Variants in EPHA6 observed in about 807,000 individuals in gnomAD.
EPHA6 encodes EPH receptor A6, also known as ephrin type-A receptor 6.
Under a neutral mutation model 112.0 loss-of-function variants are expected in EPHA6, and 50 were observed. The observed-to-expected ratio is 0.45, with a 90% CI of 0.36 to 0.56. EPHA6 has a LOEUF of 0.56. Ranked by LOEUF, EPHA6 falls within the 20% of genes least tolerant of loss-of-function variation. The pLI, the probability that EPHA6 is intolerant of heterozygous loss-of-function variation, is 0.00. For missense variants in EPHA6, 1,280 were observed against 1,417.4 expected (o/e 0.90, Z 1.56); for synonymous variants, 529 against 490.7 (o/e 1.08, Z -1.03).
intron 6 of EPHA6, among the ~76,000 whole-genome samples, chr3:97,409,577 C>G (rs1577284511): frequency 1.3e-5 from 2 of 152,080 alleles, no homozygotes; most frequent in East Asian, 3.9e-4. Flanking sequence ...TTCTAGGTTC[C>G]CTGAGGACAA....
At position 96,983,656 on chromosome 3, in the gene EPHA6, T is replaced by G. The variant is rs925420612; in HGVS notation, c.451-3674T>G. On this transcript the variant is annotated intron_variant, in intron 2 of 17. Transcript: ENST00000389672. ...AATGTCCTGCAGAGTGTTTTCCAAC[T>G]TGGTTCCATTCTCCCCATCACTTTC... 3.3e-5 allele frequency among the ~76,000 whole-genome samples: 5 copies of G among 152,226 alleles called. No homozygotes were observed. The East Asian group carries it at 5.8e-4, about 18-fold the overall frequency.
intron 3 of EPHA6, among the ~76,000 whole-genome samples, chr3:97,114,950 A>G (rs1289011619): frequency 6.6e-6 from 1 of 152,042 alleles, no homozygotes; most frequent in East Asian, 1.9e-4. Flanking sequence ...GCTGGAAAAT[A>G]AAGTTAATGA....
chr3:97,447,637 C>G (rs909655306), intron 6 of EPHA6: 12 of 293,074 alleles, frequency 4.1e-5, no homozygotes, highest in African/African-American at 2.5e-4. Context: ...TGGACAATCT[C>G]TTACATGGAC....
chr3:97,529,332 T>C (rs1037847311), intron 10 of EPHA6, among the ~76,000 whole-genome samples: 7 of 152,070 alleles, frequency 4.6e-5, no homozygotes, highest in African/African-American at 1.7e-4. Flanking sequence ...CCTCAAAGGT[T>C]TACTGGGAAG....
intron 3 of EPHA6, among the ~76,000 whole-genome samples, chr3:96,993,542 C>G (rs2043294584): frequency 6.6e-6 from 1 of 152,020 alleles, no homozygotes; most frequent in African/African-American, 2.4e-5. Context: ...CCCCACTATT[C>G]TTTCTCACTC....
chr3:96,886,994 A>C (rs1029624717), intron 2 of EPHA6, among the ~76,000 whole-genome samples: 4 of 151,960 alleles, frequency 2.6e-5, no homozygotes, highest in Non-Finnish European at 5.9e-5. Context: ...TTCTTGTATC[A>C]TATTTTGGAT....
At chr3:96,878,125 A>T (rs1163561597) in intron 2 of EPHA6, among the ~76,000 whole-genome samples, 2 of 151,866 alleles carry the variant, frequency 1.3e-5, no homozygotes, top group Non-Finnish European at 2.9e-5. Context: ...TGAAAATAAG[A>T]AATTCTCATA....
At chr3:96,948,606 G>T (rs1309152065) in intron 2 of EPHA6, among the ~76,000 whole-genome samples, 1 of 152,078 alleles carries the variant, frequency 6.6e-6, no homozygotes, top group African/African-American at 2.4e-5. Context: ...TAGATTCGTG[G>T]TAAAAGGAAA....
At position 97,475,339 on chromosome 3, in the gene EPHA6, ATC is replaced by A. The variant is rs2091338784; in HGVS notation, c.1895-9_1895-8del. 7 of 1,593,906 alleles carry A rather than the reference ATC, an allele frequency of 4.4e-6. No homozygotes were observed. Among genetic ancestry groups the A allele is most frequent in the Admixed American group, 1.7e-5 (1 of 58,704 alleles). On this transcript the variant is annotated splice_polypyrimidine_tract_variant and intron_variant, in intron 7 of 17. Coordinates refer to ENST00000389672, the MANE Select transcript of EPHA6 (RefSeq NM_001080448.3). ...TCACCCAGGGAAATTTTAATATTGT[ATC>A]TCTGTTTCAGCTTCTGACATGGCAG...
intron 2 of EPHA6, among the ~76,000 whole-genome samples, chr3:96,937,589 G>T (rs1033206616): frequency 3.9e-5 from 6 of 152,068 alleles, no homozygotes; most frequent in Non-Finnish European, 1.5e-5. Flanking sequence ...TTCTTTTGCT[G>T]TGCAGAAGCT....
intron 2 of EPHA6, among the ~76,000 whole-genome samples, chr3:96,900,200 C>T (rs2038527760): frequency 6.6e-6 from 1 of 152,108 alleles, no homozygotes; most frequent in Non-Finnish European, 1.5e-5. Context: ...CATGCCTCAT[C>T]ACAGAATAAA....
At chr3:97,462,995 C>T (rs2090938048) in intron 7 of EPHA6, among the ~76,000 whole-genome samples, 1 of 151,926 alleles carries the variant, frequency 6.6e-6, no homozygotes, top group African/African-American at 2.4e-5. Flanking sequence ...ACAGAATAGT[C>T]CCAAACATAT....
intron 5 of EPHA6, among the ~76,000 whole-genome samples, chr3:97,399,882 T>C (rs528481158): frequency 2.7e-4 from 41 of 151,732 alleles, no homozygotes; most frequent in African/African-American, 8.2e-4. Flanking sequence ...TCTCTTGTTT[T>C]TCAGGTGTTT....
At chr3:97,360,794 T>C (rs577592623) in intron 5 of EPHA6, among the ~76,000 whole-genome samples, 2 of 152,340 alleles carry the variant, frequency 1.3e-5, no homozygotes, top group East Asian at 3.9e-4. Context: ...TCTCATGTAG[T>C]ATTTATATAG....
chr3:97,062,360 G>A (rs1386937420), intron 3 of EPHA6, among the ~76,000 whole-genome samples: 3 of 152,028 alleles, frequency 2.0e-5, no homozygotes, highest in African/African-American at 7.2e-5. Context: ...ATAGCAGAAG[G>A]CAGAGCCACC....
At chr3:97,499,332 T>A (rs2092061026) in intron 10 of EPHA6, among the ~76,000 whole-genome samples, 1 of 152,236 alleles carries the variant, frequency 6.6e-6, no homozygotes, top group African/African-American at 2.4e-5. Flanking sequence ...GATACCTTCA[T>A]AACTTAAACA....
At chr3:96,818,693 G>A (rs565480715) in intron 1 of EPHA6, among the ~76,000 whole-genome samples, 14 of 151,884 alleles carry the variant, frequency 9.2e-5, no homozygotes, top group African/African-American at 3.1e-4. Context: ...TATAGAAATG[G>A]AGACATTGAG....
At chr3:97,441,176 A>T (rs2090119453) in intron 6 of EPHA6, among the ~76,000 whole-genome samples, 1 of 151,980 alleles carries the variant, frequency 6.6e-6, no homozygotes, top group African/African-American at 2.4e-5. Context: ...AAGCTGAGAT[A>T]ACTTATAAGT....
chr3:97,549,475 A>C (rs1303747623), intron 11 of EPHA6, among the ~76,000 whole-genome samples: 1 of 152,200 alleles, frequency 6.6e-6, no homozygotes, highest in Non-Finnish European at 1.5e-5. Context: ...AAAATGTCAG[A>C]ATCTGTTAAA....
Sources: gnomAD v4.1 joint callset for allele counts (sites outside exome capture counted in the v4.1 genomes callset) on GRCh38, gnomAD v4.1.1 for gene constraint, MANE v1.5 for transcripts, NCBI Gene and HGNC (gene_info 2026-07-23, HGNC 2026-07-21) for gene names.